Variants in BMP6 observed in about 807,000 individuals in gnomAD.
The protein encoded by BMP6 is VG-1-R.
A neutral mutation model predicts 54.1 loss-of-function variants in BMP6; 17 were observed. The ratio of observed to expected loss-of-function variants is 0.31; its 90% CI spans 0.22 to 0.47. The LOEUF is 0.47. Ranked by LOEUF, BMP6 falls within the 20% of genes least tolerant of loss-of-function variation. The probability of loss-of-function intolerance (pLI) is 1.00; values close to 1 mark genes in which losing one functional copy is unlikely to be tolerated. For missense variants in BMP6, 720 were observed against 690.4 expected, an observed-to-expected ratio of 1.04 and a Z score of -0.48; for synonymous variants, 328 against 291.2, an observed-to-expected ratio of 1.13 and a Z score of -1.28.
chr6:7,739,314 G>C (rs1006706129), intron 1 of BMP6, among the ~76,000 whole-genome samples: 2 of 152,084 alleles, frequency 1.3e-5, no homozygotes, highest in Non-Finnish European at 2.9e-5. Context: ...AAGAACTCTA[G>C]GAAAGTAGAC....
At chr6:7,838,916 T>C (rs1430664622) in intron 1 of BMP6, among the ~76,000 whole-genome samples, 1 of 131,334 alleles carries the variant, frequency 7.6e-6, no homozygotes, top group African/African-American at 3.0e-5. Context: ...CACTCCAGCC[T>C]GGGTGACAGA....
chr6:7,872,833 G>A (rs1488271492), intron 4 of BMP6, among the ~76,000 whole-genome samples: 1 of 116,364 alleles, frequency 8.6e-6, no homozygotes, highest in Non-Finnish European at 1.7e-5. Flanking sequence ...TTTTTTTTGA[G>A]ACAGGGTCTT....
At chr6:7,740,275 TG>T (rs1198023803) in intron 1 of BMP6, among the ~76,000 whole-genome samples, 1 of 152,188 alleles carries the variant, frequency 6.6e-6, no homozygotes, top group Non-Finnish European at 1.5e-5. Context: ...TTCTCTCTTA[TG>T]ACCCATCTGT....
Position 7,727,032 on chromosome 6 carries a change from C to T in BMP6, c.77C>T (p.Pro26Leu), listed in dbSNP as rs1326374712. 4 of 1,122,674 alleles carry T rather than the reference C, an allele frequency of 3.6e-6. No homozygotes were observed. The highest frequency in any genetic ancestry group is 1.7e-5 in the African/African-American group (1 of 60,222). The allele number at this position is 1,122,674 out of a possible 1,614,324, so 69.5% of individuals were successfully genotyped here. A position where few individuals can be genotyped will look rare whatever the true frequency, so the allele number is the denominator to read the frequency against. Residue 26 changes from proline (P) to leucine (L), a missense_variant, in exon 1 of 7, where the codon CCG (proline) becomes CTG (leucine). This residue lies in a region of BMP6 where 650 missense variants were observed against 556.3 expected (regional missense o/e 1.17). Coordinates refer to ENST00000283147, the MANE Select transcript of BMP6 (RefSeq NM_001718.6). Reference sequence around the variant, plus strand: ...CTGTGCAGCTGCTGCGGGCCCCCGCCGCTGCGGCCGCCCTTGCCCGCTGCC... The same window carrying T: ...CTGTGCAGCTGCTGCGGGCCCCCGCTGCTGCGGCCGCCCTTGCCCGCTGCC... ...GLLCSCCGPPPLRPPLPAAAA... is the reference protein window; with the variant it reads ...GLLCSCCGPPLLRPPLPAAAA...
intron 1 of BMP6, among the ~76,000 whole-genome samples, chr6:7,738,485 C>T (rs902389369): frequency 1.3e-5 from 2 of 152,154 alleles, no homozygotes; most frequent in Non-Finnish European, 2.9e-5. Context: ...GTTGCCAATC[C>T]ATGGGCTGCC....
rs1479504606 is a variant in BMP6 at position 7,881,306 on chromosome 6, T to A, written c.*963T>A. On this transcript the variant is annotated 3_prime_UTR_variant, in exon 7 of 7. Coordinates refer to ENST00000283147, the MANE Select transcript of BMP6 (RefSeq NM_001718.6). Reference sequence around the variant, plus strand: ...TGAACGGAAATCATGATTTCCCTTGTAGAAAGTGAGGCTCAGATTAAATTT... The same window carrying A: ...TGAACGGAAATCATGATTTCCCTTGAAGAAAGTGAGGCTCAGATTAAATTT... 1 of 152,658 alleles carries A rather than the reference T, an allele frequency of 6.6e-6. No homozygotes were observed. The highest frequency in any genetic ancestry group is 1.5e-5 in the Non-Finnish European group (1 of 68,042). The allele number at this position is 152,658 out of a possible 1,614,324, so 9.5% of individuals were successfully genotyped here. A position where few individuals can be genotyped will look rare whatever the true frequency, so the allele number is the denominator to read the frequency against.
chr6:7,825,764 T>G (rs902144396), intron 1 of BMP6, among the ~76,000 whole-genome samples: 1 of 151,946 alleles, frequency 6.6e-6, no homozygotes, highest in African/African-American at 2.4e-5. Context: ...TTAGTGTTTT[T>G]CAGAGACATA....
intron 4 of BMP6, among the ~76,000 whole-genome samples, chr6:7,867,392 G>A (rs1759441775): frequency 6.6e-6 from 1 of 152,208 alleles, no homozygotes; most frequent in African/African-American, 2.4e-5. Flanking sequence ...ACAGCTGTTT[G>A]AGTAGTTTAT....
At chr6:7,773,306 G>A (rs543674353) in intron 1 of BMP6, among the ~76,000 whole-genome samples, 2 of 152,346 alleles carry the variant, frequency 1.3e-5, no homozygotes, top group South Asian at 4.1e-4. Context: ...TTTAGGCAAA[G>A]CCAGATGAGT....
At chr6:7,767,257 A>C (rs1326617272) in intron 1 of BMP6, among the ~76,000 whole-genome samples, 2 of 152,166 alleles carry the variant, frequency 1.3e-5, no homozygotes, top group Non-Finnish European at 2.9e-5. Flanking sequence ...TACAAGCATG[A>C]GTCACAGCGC....
intron 1 of BMP6, among the ~76,000 whole-genome samples, chr6:7,825,954 T>C (rs1292425840): frequency 6.6e-6 from 1 of 152,120 alleles, no homozygotes; most frequent in Non-Finnish European, 1.5e-5. Flanking sequence ...TTATATAAAA[T>C]AACTCTTCCG....
intron 1 of BMP6, among the ~76,000 whole-genome samples, chr6:7,759,520 A>T (rs1581235368): frequency 2.0e-5 from 3 of 152,222 alleles, no homozygotes; most frequent in Admixed American, 2.0e-4. Flanking sequence ...GTTTTGCCTC[A>T]TCAGCAAAAC....
At chr6:7,758,713 A>G (rs922763802) in intron 1 of BMP6, among the ~76,000 whole-genome samples, 6 of 152,208 alleles carry the variant, frequency 3.9e-5, no homozygotes, top group Admixed American at 3.9e-4. Flanking sequence ...AGAAAAACGC[A>G]GCCCTTGGGT....
intron 1 of BMP6, among the ~76,000 whole-genome samples, chr6:7,758,355 C>T (rs1757557576): frequency 6.6e-6 from 1 of 152,036 alleles, no homozygotes; most frequent in South Asian, 2.1e-4. Flanking sequence ...TCACCAAGGT[C>T]AGAAATAACT....
intron 1 of BMP6, among the ~76,000 whole-genome samples, chr6:7,777,748 C>CA (rs1757882762): frequency 6.6e-6 from 1 of 151,198 alleles, no homozygotes. Flanking sequence ...TCAGAACTAC[C>CA]AAATTAGTCC....
intron 1 of BMP6, 33 bp downstream of exon 1, chr6:7,727,652 A>G: frequency 1.3e-6 from 2 of 1,484,958 alleles, no homozygotes; most frequent in Non-Finnish European, 1.8e-6. Flanking sequence ...TGACGAGAAC[A>G]TTTCCCCCTT....
chr6:7,791,986 T>TTGGATGGA (rs55687662), intron 1 of BMP6, among the ~76,000 whole-genome samples: 164 of 150,432 alleles, frequency 1.1e-3, no homozygotes, highest in East Asian at 6.8e-3. Context: ...ACAGGACCAA[T>TTGGATGGA]TGGATGGATG....
intron 2 of BMP6, among the ~76,000 whole-genome samples, chr6:7,856,354 T>A (rs948729574): frequency 2.0e-5 from 3 of 152,044 alleles, no homozygotes; most frequent in Admixed American, 2.0e-4. Context: ...CTTAATTTTC[T>A]AAAATGAAAA....
At position 7,881,261 on chromosome 6, in the gene BMP6, G is replaced by A. The variant is rs373381483; in HGVS notation, c.*918G>A. 6.6e-6 allele frequency: 1 copy of A among 152,588 alleles called. No homozygotes were observed. The highest frequency in any genetic ancestry group is 1.5e-5 in the Non-Finnish European group (1 of 68,028). The allele number at this position is 152,588 out of a possible 1,614,324, so 9.5% of individuals were successfully genotyped here. ...GCCCAGCTTATAAGAATGGTGTTAG[G>A]GGGATGAGCATGCTGTTTATGAACG... On this transcript the variant is annotated 3_prime_UTR_variant, in exon 7 of 7. Coordinates refer to ENST00000283147, the MANE Select transcript of BMP6 (RefSeq NM_001718.6).
Sources: allele counts gnomAD v4.1 joint callset (sites outside exome capture counted in the v4.1 genomes callset), GRCh38; gene constraint gnomAD v4.1.1; regional missense constraint gnomAD v4.1.1; transcripts MANE v1.5; gene names NCBI Gene and HGNC (gene_info 2026-07-23, HGNC 2026-07-21).